Variants in NEK1 observed in about 807,000 individuals in gnomAD.
NEK1 encodes NIMA related kinase 1.
A neutral mutation model predicts 182.1 loss-of-function variants in NEK1; 137 were observed. The observed-to-expected ratio is 0.75, with a 90% CI of 0.65 to 0.87. The LOEUF (loss-of-function observed/expected upper bound fraction) is 0.87. Ranked by LOEUF, NEK1 falls within the 40% of genes least tolerant of loss-of-function variation. The pLI, the probability that NEK1 is intolerant of heterozygous loss-of-function variation, is 0.00. For synonymous variants in NEK1, 513 were observed against 492.2 expected, an observed-to-expected ratio of 1.04 and a Z score of -0.56; for missense variants, 1,391 against 1,494.4, an observed-to-expected ratio of 0.93 and a Z score of 1.14.
chr4:169,582,079 A>C (rs993656536), intron 10 of NEK1, among the ~76,000 whole-genome samples: 1 of 152,126 alleles, frequency 6.6e-6, no homozygotes, highest in Admixed American at 6.5e-5. Flanking sequence ...CTTCACTTCA[A>C]AACTATGATA....
At position 169,602,057 on chromosome 4, in the gene NEK1, C is replaced by CA; in HGVS notation, c.164dup (p.Leu55PhefsTer13). On this transcript the variant is annotated frameshift_variant, in exon 4 of 36. Transcript: ENST00000507142. LOFTEE classifies it high-confidence loss of function. ...CAATATTTGGATGCTTCATGTTTGC[C>CA]AATACTGCAACTTCTCTCCTTGATT... 6.2e-7 allele frequency: 1 copy of CA among 1,613,354 alleles called. No homozygotes were observed.
chr4:169,600,693 G>GA (rs1375764770), intron 4 of NEK1, among the ~76,000 whole-genome samples: 2 of 151,868 alleles, frequency 1.3e-5, no homozygotes, highest in Admixed American at 1.3e-4. Context: ...ATTATAATGT[G>GA]AAAAAAACTC....
At chr4:169,510,331 C>T (rs527830992) in intron 19 of NEK1, among the ~76,000 whole-genome samples, 1 of 152,262 alleles carries the variant, frequency 6.6e-6, no homozygotes, top group African/African-American at 2.4e-5. Context: ...ATAAACCTGA[C>T]TTTATCCTTC....
chr4:169,424,502 T>G, intron 31 of NEK1, 51 bp downstream of exon 31: 1 of 1,506,374 alleles, frequency 6.6e-7, no homozygotes, highest in South Asian at 1.4e-5. Context: ...AGAAAAACAA[T>G]AATACATGTT....
Position 169,507,746 on chromosome 4 carries a change from T to A in NEK1, c.1880A>T (p.Asp627Val). The part of the protein sequence containing the change: ...SEGQEGSEEA[D>V]MRRKKIESLK... ...TGATTCGATTTTTTTGCGCCTCATG[T>A]CAGCCTCTTCACTTCCTTCTTGTCC... The change falls in exon 22 of 36, where the codon GAC (aspartate) becomes GTC (valine). Residue 627 changes from aspartate to valine, a missense_variant. Physicochemically the swap from Asp to Val is radical, Grantham distance 152. This residue lies in a region of NEK1 where 1,216 missense variants were observed against 1,277.6 expected (regional missense o/e 0.95). Transcript: ENST00000507142. The A allele has an allele frequency of 1.2e-6, 2 of 1,613,210 alleles. No individual in the cohort carries two copies. The highest frequency in any genetic ancestry group is 1.7e-6 in the Non-Finnish European group (2 of 1,179,520).
intron 31 of NEK1, among the ~76,000 whole-genome samples, chr4:169,422,908 T>C (rs1263747527): frequency 6.6e-6 from 1 of 152,242 alleles, no homozygotes; most frequent in African/African-American, 2.4e-5. Context: ...ATGAATTGTA[T>C]GATAGTCCTT....
At chr4:169,563,346 G>A (rs1053816965) in intron 12 of NEK1, among the ~76,000 whole-genome samples, 1 of 151,348 alleles carries the variant, frequency 6.6e-6, no homozygotes, top group Non-Finnish European at 1.5e-5. Context: ...GACAGAGCGA[G>A]ATCCTGTCTC....
chr4:169,476,458 T>C (rs1271547068), intron 26 of NEK1, among the ~76,000 whole-genome samples: 1 of 152,146 alleles, frequency 6.6e-6, no homozygotes, highest in Non-Finnish European at 1.5e-5. Context: ...ATATGGTAGG[T>C]ACCCAATAAA....
At chr4:169,547,869 T>C (rs1760780950) in intron 18 of NEK1, among the ~76,000 whole-genome samples, 1 of 152,218 alleles carries the variant, frequency 6.6e-6, no homozygotes, top group Non-Finnish European at 1.5e-5. Context: ...TAGCAATTTG[T>C]CTAACCTTTT....
At chr4:169,412,314 A>G (rs940785918) in intron 31 of NEK1, among the ~76,000 whole-genome samples, 3 of 152,200 alleles carry the variant, frequency 2.0e-5, no homozygotes, top group African/African-American at 7.2e-5. Context: ...ACAAGACTGT[A>G]TCACTGGCTT....
At chr4:169,532,559 A>G (rs893655089) in intron 19 of NEK1, among the ~76,000 whole-genome samples, 2 of 152,188 alleles carry the variant, frequency 1.3e-5, no homozygotes, top group Non-Finnish European at 2.9e-5. Context: ...GAGGCTACAC[A>G]TATGTGGAGG....
chr4:169,461,323 T>C (rs983940258), intron 27 of NEK1, among the ~76,000 whole-genome samples: 1 of 152,110 alleles, frequency 6.6e-6, no homozygotes, highest in Non-Finnish European at 1.5e-5. Context: ...CACCCAAAAA[T>C]TGCTTATTCT....
At chr4:169,579,780 T>A (rs1432611534) in intron 11 of NEK1, among the ~76,000 whole-genome samples, 80 of 136,940 alleles carry the variant, frequency 5.8e-4, no homozygotes, top group African/African-American at 2.2e-3. Context: ...AGAGCAAGAC[T>A]CCATCTCAAA....
At chr4:169,465,113 A>G (rs951582987) in intron 26 of NEK1, among the ~76,000 whole-genome samples, 2 of 152,164 alleles carry the variant, frequency 1.3e-5, no homozygotes, top group Admixed American at 1.3e-4. Context: ...GCAAATTAGC[A>G]GATAATAATT....
chr4:169,412,135 T>A (rs1733783346), intron 31 of NEK1, among the ~76,000 whole-genome samples: 1 of 152,228 alleles, frequency 6.6e-6, no homozygotes. Flanking sequence ...ACATAGCAGA[T>A]ATTTAATAAA....
chr4:169,456,087 GA>G (rs1247105769), intron 27 of NEK1, among the ~76,000 whole-genome samples: 2 of 152,078 alleles, frequency 1.3e-5, no homozygotes, highest in African/African-American at 4.8e-5. Flanking sequence ...CAAACACATG[GA>G]AATTAAACAA....
chr4:169,458,330 T>TA (rs1041459908), intron 27 of NEK1, among the ~76,000 whole-genome samples: 8 of 152,096 alleles, frequency 5.3e-5, no homozygotes, highest in Admixed American at 2.0e-4. Context: ...TAAGTGGTGC[T>TA]AAAAAAACAC....
Position 169,477,109 on chromosome 4 carries a change from T to C in NEK1, c.2434+15A>G. 1 of 1,531,148 alleles carries C rather than the reference T, an allele frequency of 6.5e-7. No individual in the cohort carries two copies. The highest frequency in any genetic ancestry group is 8.9e-7 in the Non-Finnish European group (1 of 1,122,602). 94.8% of individuals were successfully genotyped at this position (1,531,148 alleles called of 1,614,324 possible). A position where few individuals can be genotyped will look rare whatever the true frequency, so the allele number is the denominator to read the frequency against. On this transcript the variant is annotated intron_variant, in intron 26 of 35. Coordinates refer to ENST00000507142, the MANE Select transcript of NEK1 (RefSeq NM_001199397.3). Reference sequence around the variant, plus strand: ...ACTAGACCTAAATAGGATATTAATATACTACTATACATACTTTCAGTTGTA... The same window carrying C: ...ACTAGACCTAAATAGGATATTAATACACTACTATACATACTTTCAGTTGTA...
intron 12 of NEK1, among the ~76,000 whole-genome samples, chr4:169,569,641 G>A (rs984688284): frequency 1.3e-5 from 2 of 152,040 alleles, no homozygotes; most frequent in East Asian, 3.9e-4. Context: ...GCAGGCGCGC[G>A]CCACCACGCC....
Sources: gnomAD v4.1 joint callset for allele counts (sites outside exome capture counted in the v4.1 genomes callset) on GRCh38, gnomAD v4.1.1 for gene constraint, gnomAD v4.1.1 regional missense constraint, MANE v1.5 for transcripts, NCBI Gene and HGNC (gene_info 2026-07-23, HGNC 2026-07-21) for gene names.